The following SMIM3 variants were observed in gnomAD, a reference collection of about 807,000 sequenced individuals.
SMIM3 encodes the protein NGF-induced differentiation clone 67 protein.
In SMIM3, 4 loss-of-function variants were observed where a neutral mutation model predicts 2.1. That is an observed-to-expected ratio of 1.89 (90% confidence interval 0.93 to 4.31). The LOEUF (loss-of-function observed/expected upper bound fraction) is 4.31, where lower values mean the gene tolerates loss of function less well. SMIM3 is among the 30% of genes most tolerant of loss of function. The pLI is 0.01. For missense variants in SMIM3, 79 were observed against 77.7 expected, an observed-to-expected ratio of 1.02 and a Z score of -0.06; for synonymous variants, 29 against 30.8, an observed-to-expected ratio of 0.94 and a Z score of 0.19.
rs769610211 is a variant in SMIM3, at chr5:150,778,793, G to A, written c.-191G>A. 2 of 466,778 alleles carry A rather than the reference G, an allele frequency of 4.3e-6. No individual in the cohort carries two copies. The highest frequency in any genetic ancestry group is 4.4e-6 in the Non-Finnish European group (1 of 225,584). The allele number at this position is 466,778 out of a possible 1,614,324, so 28.9% of individuals were successfully genotyped here. On this transcript the variant is annotated 5_prime_UTR_variant, in exon 1 of 2. Coordinates refer to ENST00000526627, the MANE Select transcript of SMIM3 (RefSeq NM_032947.5). Reference sequence around the variant, plus strand: ...CCAGCAGCGCGTCCTGGCCGCTCCTGCGCTCTCCCGCCTCCCGGGGCTCGG... The same window carrying A: ...CCAGCAGCGCGTCCTGGCCGCTCCTACGCTCTCCCGCCTCCCGGGGCTCGG...
At chr5:150,784,221 C>T (rs1429186721) in intron 1 of SMIM3, among the ~76,000 whole-genome samples, 2 of 152,180 alleles carry the variant, frequency 1.3e-5, no homozygotes, top group East Asian at 1.9e-4. Context: ...GTGTACCAGA[C>T]GTTGTCCTAA....
chr5:150,791,904 GAGTA>G (rs772928783), intron 1 of SMIM3, among the ~76,000 whole-genome samples: 2 of 152,140 alleles, frequency 1.3e-5, no homozygotes, highest in Non-Finnish European at 2.9e-5. Context: ...GATTGATGTG[GAGTA>G]AGTACTATAT....
chr5:150,789,100 C>G (rs1169835325), intron 1 of SMIM3, among the ~76,000 whole-genome samples: 1 of 152,076 alleles, frequency 6.6e-6, no homozygotes, highest in Non-Finnish European at 1.5e-5. Context: ...AAATTTGTGA[C>G]ATAAATGGTT....
intron 1 of SMIM3, among the ~76,000 whole-genome samples, chr5:150,791,555 G>A (rs149741990): frequency 0.018 from 2,764 of 152,184 alleles, 39 homozygotes; most frequent in Non-Finnish European, 0.029. Context: ...ATGTCCTCAT[G>A]TTCATCTATG....
At chr5:150,790,019 A>C (rs1382095484) in intron 1 of SMIM3, among the ~76,000 whole-genome samples, 2 of 152,156 alleles carry the variant, frequency 1.3e-5, no homozygotes, top group South Asian at 2.1e-4. Context: ...TTACAGAAGA[A>C]TTTCATTTAT....
rs1343753096 is a variant in SMIM3 at position 150,795,921 on chromosome 5, A to C, written c.*298A>C. ...GATCAGTAAAGCTACCACAGATATA[A>C]GGGTGTTATGCTGAATCCTGAGAAG... On this transcript the variant is annotated 3_prime_UTR_variant, in exon 2 of 2. Coordinates refer to ENST00000526627, the MANE Select transcript of SMIM3 (RefSeq NM_032947.5). 1 of 395,546 alleles carries C rather than the reference A, an allele frequency of 2.5e-6. No individual in the cohort carries two copies. Among genetic ancestry groups the C allele is most frequent in the African/African-American group, 2.0e-5 (1 of 49,184 alleles). 24.5% of individuals were successfully genotyped at this position (395,546 alleles called of 1,614,324 possible).
In SMIM3 at chr5:150,795,585, C is replaced by G. The variant is rs546977535; in HGVS notation, c.145C>G (p.Arg49Gly). The G allele has an allele frequency of 6.3e-7, 1 of 1,581,082 alleles. No individual in the cohort carries two copies. Among genetic ancestry groups the G allele is most frequent in the Non-Finnish European group, 8.6e-7 (1 of 1,168,714 alleles). ...LCPATAVIIY[R>G]MRTHPILSGA... ...CCCAGCCACTGCAGTAATCATCTAT[C>G]GCATGCGGACTCATCCGATCCTTAG... Residue 49 changes from arginine (R) to glycine (G), a missense_variant, in exon 2 of 2, where the codon CGC becomes GGC. By Grantham distance (125) the Arg-to-Gly change is moderately radical. Coordinates refer to ENST00000526627, the MANE Select transcript of SMIM3 (RefSeq NM_032947.5).
At position 150,778,787 on chromosome 5, in the gene SMIM3, G is replaced by T. The variant is rs1226095098; in HGVS notation, c.-197G>T. On this transcript the variant is annotated 5_prime_UTR_variant, in exon 1 of 2. Transcript: ENST00000526627. The stretch of plus-strand genomic sequence containing the variant: ...CCAGAGCCAGCAGCGCGTCCTGGCC[G>T]CTCCTGCGCTCTCCCGCCTCCCGGG... The T allele has an allele frequency of 4.3e-6, 2 of 461,528 alleles. No individual in the cohort carries two copies. The highest frequency in any genetic ancestry group is 3.1e-5 in the South Asian group (2 of 63,500). 28.6% of individuals were successfully genotyped at this position (461,528 alleles called of 1,614,324 possible). A position where few individuals can be genotyped will look rare whatever the true frequency, so the allele number is the denominator to read the frequency against.
chr5:150,793,050 C>T (rs1753365360), intron 1 of SMIM3, among the ~76,000 whole-genome samples: 1 of 148,594 alleles, frequency 6.7e-6, no homozygotes, highest in Non-Finnish European at 1.5e-5. Context: ...TTTTTTCAAA[C>T]AGCTACTAAG....
Position 150,795,723 on chromosome 5 carries a change from AC to A in SMIM3, c.*102del, listed in dbSNP as rs1753398193. On this transcript the variant is annotated 3_prime_UTR_variant, in exon 2 of 2. Transcript: ENST00000526627. ...CAGCAGGAGGGACTTTGGGGCATGG[AC>A]CTGAGTTCTGGTTTTGATTCTGCCA... 1.5e-6 allele frequency: 2 copies of A among 1,327,282 alleles called. No homozygotes were observed. The highest frequency in any genetic ancestry group is 1.0e-6 in the Non-Finnish European group (1 of 981,926). 82.2% of individuals were successfully genotyped at this position (1,327,282 alleles called of 1,614,324 possible).
At chr5:150,792,547 A>T (rs13356739) in intron 1 of SMIM3, among the ~76,000 whole-genome samples, 36,997 of 151,900 alleles carry the variant, frequency 0.24, 6,446 homozygotes, top group East Asian at 0.63. Context: ...TAAAAAAATT[A>T]TTTTTGAGAT....
Position 150,795,592 on chromosome 5 carries a change from G to C in SMIM3, c.152G>C (p.Arg51Pro). 1 of 1,568,894 alleles carries C rather than the reference G, an allele frequency of 6.4e-7. No homozygotes were observed. The highest frequency in any genetic ancestry group is 1.1e-5 in the South Asian group (1 of 86,968). ...PATAVIIYRM[R>P]THPILSGAV is the part of the protein sequence containing the mutation. Reference sequence around the variant, plus strand: ...ACTGCAGTAATCATCTATCGCATGCGGACTCATCCGATCCTTAGTGGGGCT... The same window carrying C: ...ACTGCAGTAATCATCTATCGCATGCCGACTCATCCGATCCTTAGTGGGGCT... The change falls in exon 2 of 2, where the codon CGG becomes CCG. Residue 51 changes from arginine (R) to proline (P), a missense_variant. Coordinates refer to ENST00000526627, the MANE Select transcript of SMIM3 (RefSeq NM_032947.5).
chr5:150,795,396 C>T (rs148659385), intron 1 of SMIM3, 34 bp from the exon 2 acceptor site: 77 of 1,606,216 alleles, frequency 4.8e-5, no homozygotes, highest in African/African-American at 2.4e-4. Context: ...GGAGAGAGTA[C>T]GCAACAGTGA....
At chr5:150,787,294 T>G (rs1249283263) in intron 1 of SMIM3, among the ~76,000 whole-genome samples, 1 of 152,234 alleles carries the variant, frequency 6.6e-6, no homozygotes, top group East Asian at 1.9e-4. Flanking sequence ...TAGCTCTTAG[T>G]GCCTTCCATC....
At chr5:150,782,168 T>G (rs1259428283) in intron 1 of SMIM3, among the ~76,000 whole-genome samples, 1 of 152,224 alleles carries the variant, frequency 6.6e-6, no homozygotes, top group African/African-American at 2.4e-5. Context: ...TGTGATTTGA[T>G]TCATTTCACA....
chr5:150,790,745 T>C (rs1753341497), intron 1 of SMIM3, among the ~76,000 whole-genome samples: 1 of 152,032 alleles, frequency 6.6e-6, no homozygotes, highest in South Asian at 2.1e-4. Flanking sequence ...ACCTGGACAA[T>C]GGGAAAAAAG....
At chr5:150,786,007 A>G (rs1421858195) in intron 1 of SMIM3, among the ~76,000 whole-genome samples, 2 of 152,088 alleles carry the variant, frequency 1.3e-5, no homozygotes, top group Non-Finnish European at 2.9e-5. Flanking sequence ...TATTTACTCC[A>G]ATATTGTTCT....
intron 1 of SMIM3, among the ~76,000 whole-genome samples, chr5:150,794,248 T>C (rs1027609642): frequency 2.6e-5 from 4 of 152,202 alleles, no homozygotes; most frequent in African/African-American, 4.8e-5. Flanking sequence ...GTACAGCCAC[T>C]ATAGAAAACA....
At chr5:150,785,580 C>CTTTTTTTTTTTTTT (rs35273478) in intron 1 of SMIM3, among the ~76,000 whole-genome samples, 82 of 113,670 alleles carry the variant, frequency 7.2e-4, no homozygotes, top group Non-Finnish European at 1.1e-3. Context: ...TATTTCTTTT[C>CTTTTTTTTTTTTTT]TTTTTTTTTT....
Sources: allele counts gnomAD v4.1 joint callset (sites outside exome capture counted in the v4.1 genomes callset), GRCh38; gene constraint gnomAD v4.1.1; transcripts MANE v1.5; gene names NCBI Gene and HGNC (gene_info 2026-07-23, HGNC 2026-07-21).